CNIH3: variants seen among roughly 807,000 people sequenced by gnomAD.
The protein encoded by CNIH3 is cornichon family AMPA receptor auxiliary protein 3, also known as protein cornichon homolog 3.
In CNIH3, 14 loss-of-function variants were observed where a neutral mutation model predicts 24.1. That is an observed-to-expected ratio of 0.58 (90% CI 0.38 to 0.91). CNIH3 has a LOEUF of 0.91. Ranked by LOEUF, CNIH3 falls within the 40% of genes least tolerant of loss-of-function variation. The pLI is 0.00. For missense variants in CNIH3, 178 were observed against 196.8 expected (o/e 0.90, Z 0.57); for synonymous variants, 68 against 73.8 (o/e 0.92, Z 0.40).
At chr1:224,449,448 A>C (rs1675300052) in intron 1 of CNIH3, among the ~76,000 whole-genome samples, 1 of 151,990 alleles carries the variant, frequency 6.6e-6, no homozygotes, top group East Asian at 1.9e-4. Flanking sequence ...AGCCTCCTAA[A>C]TGTTTTGTTC....
downstream of CNIH3, among the ~76,000 whole-genome samples, chr1:224,590,120 C>A (rs571563764): frequency 6.6e-6 from 1 of 152,264 alleles, no homozygotes; most frequent in African/African-American, 2.4e-5. Context: ...CATGATCCAC[C>A]CACCTCAGCC....
chr1:224,621,530 C>A (rs1461841824), intron 1 of CNIH3, among the ~76,000 whole-genome samples: 1 of 152,314 alleles, frequency 6.6e-6, no homozygotes, highest in South Asian at 2.1e-4. Context: ...ACTTGTGATG[C>A]CCCTGTCCGT....
At chr1:224,727,347 C>T (rs1689086500) in intron 3 of CNIH3, among the ~76,000 whole-genome samples, 1 of 152,242 alleles carries the variant, frequency 6.6e-6, no homozygotes, top group Non-Finnish European at 1.5e-5. Flanking sequence ...TTACTGCTCA[C>T]ACTCTAGTCC....
chr1:224,516,148 C>G (rs924459816), intron 1 of CNIH3, among the ~76,000 whole-genome samples: 1 of 151,646 alleles, frequency 6.6e-6, no homozygotes, highest in Non-Finnish European at 1.5e-5. Flanking sequence ...AACCCTGTCT[C>G]TACTAAAAAT....
chr1:224,677,855 G>T (rs975104345), intron 1 of CNIH3, among the ~76,000 whole-genome samples: 4 of 152,200 alleles, frequency 2.6e-5, no homozygotes, highest in African/African-American at 9.7e-5. Context: ...CTTTGTGGGG[G>T]GCCTATATGT....
chr1:224,605,878 C>T (rs1192877286), intron 3 of CNIH3, among the ~76,000 whole-genome samples: 2 of 152,214 alleles, frequency 1.3e-5, no homozygotes, highest in Non-Finnish European at 2.9e-5. Flanking sequence ...TGAGTAATAA[C>T]TCTGTCTCCT....
chr1:224,560,942 TG>T (rs1680347498), intron 3 of CNIH3, among the ~76,000 whole-genome samples: 1 of 143,138 alleles, frequency 7.0e-6, no homozygotes, highest in South Asian at 2.5e-4. Context: ...GTCTGTTGAA[TG>T]TATCTCGTGA....
intron 3 of CNIH3, among the ~76,000 whole-genome samples, chr1:224,702,022 G>A (rs988725672): frequency 6.6e-6 from 1 of 152,012 alleles, no homozygotes; most frequent in African/African-American, 2.4e-5. Flanking sequence ...GTATCCTCCC[G>A]TCATGCTGTA....
chr1:224,561,743 TA>T (rs1166287003), intron 3 of CNIH3, among the ~76,000 whole-genome samples: 1 of 152,228 alleles, frequency 6.6e-6, no homozygotes, highest in African/African-American at 2.4e-5. Context: ...TCTCCCTCTC[TA>T]TCCTGCCCAA....
At chr1:224,663,212 G>T (rs1490390369) in intron 1 of CNIH3, among the ~76,000 whole-genome samples, 1 of 152,114 alleles carries the variant, frequency 6.6e-6, no homozygotes, top group Non-Finnish European at 1.5e-5. Context: ...CTTCCAAGAT[G>T]AGATGAGATC....
intron 1 of CNIH3, among the ~76,000 whole-genome samples, chr1:224,500,203 G>A (rs1167585466): frequency 6.6e-6 from 1 of 150,756 alleles, no homozygotes; most frequent in African/African-American, 2.4e-5. Flanking sequence ...TAGAGATAGT[G>A]TCTCCTTATG....
downstream of CNIH3, among the ~76,000 whole-genome samples, chr1:224,541,363 T>C (rs1679504928): frequency 6.6e-6 from 1 of 152,168 alleles, no homozygotes; most frequent in Non-Finnish European, 1.5e-5. Flanking sequence ...TCACTGGCAC[T>C]ACTTTAGGCT....
chr1:224,712,553 TGA>T (rs1474298160), intron 3 of CNIH3, among the ~76,000 whole-genome samples: 2 of 152,218 alleles, frequency 1.3e-5, no homozygotes, highest in Non-Finnish European at 2.9e-5. Flanking sequence ...AATACATGCA[TGA>T]GAGACTCCTT....
intron 1 of CNIH3, among the ~76,000 whole-genome samples, chr1:224,519,627 C>T (rs778769383): frequency 6.7e-6 from 1 of 149,360 alleles, no homozygotes; most frequent in African/African-American, 2.4e-5. Flanking sequence ...ATAATATACA[C>T]ATCACATATA....
intron 3 of CNIH3, among the ~76,000 whole-genome samples, chr1:224,551,984 A>G (rs942178586): frequency 6.6e-6 from 1 of 151,550 alleles, no homozygotes; most frequent in Admixed American, 6.6e-5. Flanking sequence ...TATACTACTA[A>G]TATCACACGG....
intron 1 of CNIH3, among the ~76,000 whole-genome samples, chr1:224,464,799 A>G (rs749458545): frequency 7.9e-5 from 12 of 151,944 alleles, no homozygotes; most frequent in Non-Finnish European, 1.2e-4. Context: ...ATTTTATTTC[A>G]TTTTATTTTA....
At chr1:224,520,352 A>G (rs1360331395) in intron 1 of CNIH3, among the ~76,000 whole-genome samples, 1 of 152,218 alleles carries the variant, frequency 6.6e-6, no homozygotes, top group Non-Finnish European at 1.5e-5. Context: ...GATATAAGCG[A>G]TCCCACACCT....
chr1:224,615,182 T>C (rs1682896326), upstream of CNIH3: 1 of 152,088 alleles, frequency 6.6e-6, no homozygotes, highest in African/African-American at 2.4e-5. Context: ...AATCAAGCAA[T>C]AGTTATTTAT....
chr1:224,445,797 G>A (rs1319755508), intron 1 of CNIH3, among the ~76,000 whole-genome samples: 2 of 151,996 alleles, frequency 1.3e-5, no homozygotes, highest in Non-Finnish European at 2.9e-5. Flanking sequence ...TGCTTTTTGT[G>A]TTTTACTTTA....
Sources: allele counts gnomAD v4.1 joint callset (sites outside exome capture counted in the v4.1 genomes callset), GRCh38; gene constraint gnomAD v4.1.1; transcripts MANE v1.5; gene names NCBI Gene and HGNC (gene_info 2026-07-23, HGNC 2026-07-21).